Variants in PRRC2C observed in about 807,000 individuals in gnomAD.
PRRC2C encodes the protein protein PRRC2C.
Under a neutral mutation model 317.2 loss-of-function variants are expected in PRRC2C, and 72 were observed. That is an observed-to-expected ratio of 0.23 (90% CI 0.19 to 0.28). The LOEUF is 0.28. Ranked by LOEUF, PRRC2C falls within the 10% of genes least tolerant of loss-of-function variation. PRRC2C has a pLI of 1.00. For missense variants in PRRC2C, 3,074 were observed against 3,459.7 expected, an observed-to-expected ratio of 0.89 and a Z score of 2.80; for synonymous variants, 1,296 against 1,205.9, an observed-to-expected ratio of 1.07 and a Z score of -1.55.
At chr1:171,528,381 T>G (rs1252041481) in intron 11 of PRRC2C, among the ~76,000 whole-genome samples, 1 of 151,478 alleles carries the variant, frequency 6.6e-6, no homozygotes, top group African/African-American at 2.4e-5. Context: ...CTCTGCCTCC[T>G]GGGTTCACAG....
At chr1:171,489,584 TGTGATTATTAATATTTCTTGAGC>T (rs1666742235) in intron 1 of PRRC2C, among the ~76,000 whole-genome samples, 1 of 152,204 alleles carries the variant, frequency 6.6e-6, no homozygotes, top group Non-Finnish European at 1.5e-5. Flanking sequence ...CAAGAATAAT[TGTGATTATTAATATTTCTTGAGC>T]ACTTACTATG....
intron 23 of PRRC2C, among the ~76,000 whole-genome samples, chr1:171,570,283 C>T (rs1687063): frequency 0.8 from 120,744 of 151,848 alleles, 48,163 homozygotes; most frequent in Middle Eastern, 0.88. Flanking sequence ...TTCCATTTTG[C>T]ACATAGAACT....
intron 11 of PRRC2C, 137 bp from the exon 12 acceptor site, chr1:171,532,206 T>G: frequency 3.5e-6 from 3 of 865,702 alleles, no homozygotes; most frequent in East Asian, 5.4e-5. Flanking sequence ...TCCCATCTTA[T>G]GTGTTTTCAT....
chr1:171,552,763 G>A (rs1680542856), intron 18 of PRRC2C, among the ~76,000 whole-genome samples: 1 of 152,060 alleles, frequency 6.6e-6, no homozygotes, highest in Non-Finnish European at 1.5e-5. Context: ...GATGGATAAT[G>A]TTTATTGATT....
intron 20 of PRRC2C, among the ~76,000 whole-genome samples, chr1:171,563,087 A>G (rs910169088): frequency 5.3e-5 from 8 of 152,158 alleles, no homozygotes; most frequent in Non-Finnish European, 7.3e-5. Context: ...GATGACTTTG[A>G]TAAGAACATT....
At chr1:171,526,578 C>T (rs1674601881) in intron 10 of PRRC2C, among the ~76,000 whole-genome samples, 1 of 151,898 alleles carries the variant, frequency 6.6e-6, no homozygotes, top group Admixed American at 6.6e-5. Flanking sequence ...CCTCAAATGA[C>T]CCACCCGCCT....
In PRRC2C at chr1:171,575,103, A is replaced by G. The variant is rs1016202142; in HGVS notation, c.6930A>G (p.Ser2310=). The change falls in exon 25 of 35, where the codon TCA becomes TCG. Residue 2310 remains serine, a synonymous_variant. Coordinates refer to ENST00000647382, the MANE Select transcript of PRRC2C (RefSeq NM_001387844.1). ...SASMPQIPVA[S]VTPTASLSGA... ...CCATGCCCCAGATTCCTGTTGCTTC[A>G]GTCACTCCTACAGCATCACTATCAG... The G allele has an allele frequency of 3.1e-6, 5 of 1,613,738 alleles. No homozygotes were observed. The highest frequency in any genetic ancestry group is 4.2e-6 in the Non-Finnish European group (5 of 1,179,748).
At chr1:171,557,035 T>G (rs909044286) in intron 18 of PRRC2C, among the ~76,000 whole-genome samples, 4 of 152,238 alleles carry the variant, frequency 2.6e-5, no homozygotes, top group Admixed American at 1.3e-4. Flanking sequence ...GTCAAGAATG[T>G]ACAATACCTA....
intron 24 of PRRC2C, among the ~76,000 whole-genome samples, chr1:171,572,351 G>C (rs890770000): frequency 6.6e-6 from 1 of 152,086 alleles, no homozygotes; most frequent in African/African-American, 2.4e-5. Flanking sequence ...ATCCAGGGAA[G>C]TTCTTAATCT....
chr1:171,568,892 T>C (rs1684186518), intron 23 of PRRC2C, among the ~76,000 whole-genome samples: 2 of 152,306 alleles, frequency 1.3e-5, no homozygotes, highest in East Asian at 3.9e-4. Flanking sequence ...TATGCTCTAA[T>C]ATAAGGTGAT....
intron 20 of PRRC2C, among the ~76,000 whole-genome samples, chr1:171,563,656 T>G (rs2102693141): frequency 6.6e-6 from 1 of 152,330 alleles, no homozygotes; most frequent in East Asian, 1.9e-4. Context: ...CTGCTACTTC[T>G]GTCTCCACTC....
intron 23 of PRRC2C, among the ~76,000 whole-genome samples, chr1:171,569,005 A>T (rs1684206893): frequency 6.6e-6 from 1 of 152,236 alleles, no homozygotes; most frequent in Non-Finnish European, 1.5e-5. Context: ...CATTTTGCTT[A>T]GCTCACTGTC....
At chr1:171,560,277 ACT>A (rs779464407) in intron 19 of PRRC2C, among the ~76,000 whole-genome samples, 7 of 152,200 alleles carry the variant, frequency 4.6e-5, no homozygotes, top group Admixed American at 1.3e-4. Flanking sequence ...GGAGGAAATA[ACT>A]CTGACGCAAA....
chr1:171,520,563 T>G (rs2102326505), intron 6 of PRRC2C, among the ~76,000 whole-genome samples: 1 of 152,302 alleles, frequency 6.6e-6, no homozygotes, highest in Middle Eastern at 3.4e-3. Context: ...TTCCTAGATT[T>G]TAAGCATTTT....
At chr1:171,575,576 ATTTTG>A (rs1685558591) in intron 25 of PRRC2C, among the ~76,000 whole-genome samples, 1 of 152,044 alleles carries the variant, frequency 6.6e-6, no homozygotes, top group South Asian at 2.1e-4. Flanking sequence ...TTTGGTTTGG[ATTTTG>A]TTTTATTTTG....
chr1:171,491,308 T>C (rs991017748), intron 1 of PRRC2C, among the ~76,000 whole-genome samples: 6 of 152,188 alleles, frequency 3.9e-5, no homozygotes, highest in African/African-American at 1.4e-4. Context: ...CTGCTATATA[T>C]GGTTATGCAG....
intron 24 of PRRC2C, among the ~76,000 whole-genome samples, chr1:171,572,102 G>A (rs975348882): frequency 6.6e-5 from 10 of 151,816 alleles, no homozygotes; most frequent in African/African-American, 2.2e-4. Context: ...GGAGTAGTCA[G>A]TAGTTTAAAA....
intron 15 of PRRC2C, among the ~76,000 whole-genome samples, chr1:171,538,479 A>T (rs1163599361): frequency 6.6e-6 from 1 of 152,256 alleles, no homozygotes; most frequent in Non-Finnish European, 1.5e-5. Context: ...TGATGACTGT[A>T]ATAATTTATA....
Position 171,587,727 on chromosome 1 carries a change from C to G in PRRC2C, c.8048C>G (p.Thr2683Ser). The change falls in exon 32 of 35, where the codon ACC becomes AGC. Residue 2683 changes from threonine to serine, a missense_variant. This residue lies in a region of PRRC2C where 490 missense variants were observed against 663.1 expected (regional missense o/e 0.74). Coordinates refer to ENST00000647382, the MANE Select transcript of PRRC2C (RefSeq NM_001387844.1). ...ACACCTCCAATCGCTGGTAGAAGCA[C>G]CACACCAACATCTAGTCCCTTCCGG... The part of the protein sequence containing the change: ...PGTPPIAGRS[T>S]TPTSSPFRAT... 1 of 1,612,078 alleles carries G rather than the reference C, an allele frequency of 6.2e-7. No individual in the cohort carries two copies. The highest frequency in any genetic ancestry group is 8.5e-7 in the Non-Finnish European group (1 of 1,178,270).
Sources: gnomAD v4.1 joint callset for allele counts (sites outside exome capture counted in the v4.1 genomes callset) on GRCh38, gnomAD v4.1.1 for gene constraint, gnomAD v4.1.1 regional missense constraint, MANE v1.5 for transcripts, NCBI Gene and HGNC (gene_info 2026-07-23, HGNC 2026-07-21) for gene names.